RARA: variants seen among roughly 807,000 people sequenced by gnomAD.
The protein encoded by RARA is retinoic acid receptor alpha, also known as PML-DDX5-RARA fusion.
In RARA, 5 loss-of-function variants were observed where a neutral mutation model predicts 42.8. The observed-to-expected ratio is 0.12, with a 90% CI of 0.06 to 0.25. The LOEUF is 0.25. RARA is among the 10% of genes least tolerant of loss of function. The pLI is 1.00. For synonymous variants in RARA, 256 were observed against 259.5 expected, an observed-to-expected ratio of 0.99 and a Z score of 0.13; for missense variants, 402 against 628.7, an observed-to-expected ratio of 0.64 and a Z score of 3.86.
chr17:40,354,795 C>T lies in RARA; in HGVS notation c.1012+289C>T, dbSNP rs904939206. Among the ~76,000 whole-genome samples the T allele has an allele frequency of 4.6e-5, 7 of 152,152 alleles. No individual in the cohort carries two copies. The highest frequency in any genetic ancestry group is 1.2e-4 in the African/African-American group (5 of 41,410). On this transcript the variant is annotated intron_variant, in intron 7 of 8. Coordinates refer to ENST00000254066, the MANE Select transcript of RARA (RefSeq NM_000964.4). The surrounding 1 kb of genome is among the most constrained non-coding windows in gnomAD (Gnocchi z 4.5). ...AGGTTGCTGAACTTCTCTGGGCCTCCGTTTCTGTACAGTGGGGGCGGTAAC... is the reference window on the plus strand; with the variant it reads ...AGGTTGCTGAACTTCTCTGGGCCTCTGTTTCTGTACAGTGGGGGCGGTAAC...
At chr17:40,343,348 T>C (rs1049660075) in intron 2 of RARA, among the ~76,000 whole-genome samples, 11 of 152,202 alleles carry the variant, frequency 7.2e-5, no homozygotes, top group Non-Finnish European at 1.3e-4. Flanking sequence ...CAGCCCTTGC[T>C]CTTGCGTCAT....
At chr17:40,342,845 G>T (rs972099685) in intron 2 of RARA, 1 of 1,612,830 alleles carries the variant, frequency 6.2e-7, no homozygotes, top group Non-Finnish European at 8.5e-7. Flanking sequence ...TCCGGACTCC[G>T]CTTTGGAATG....
Position 40,352,514 on chromosome 17 carries a change from G to T in RARA, c.807+7G>T, listed in dbSNP as rs141059465. On this transcript the variant is annotated splice_region_variant and intron_variant, in intron 6 of 8. Coordinates refer to ENST00000254066, the MANE Select transcript of RARA (RefSeq NM_000964.4). The surrounding 1 kb of genome is among the most constrained non-coding windows in gnomAD (Gnocchi z 4.9). ...TGCCTGCCTGGACATCCTGGTGAGG[G>T]TCTGCACCCTGGCCCCCAGGCACTG... The T allele has an allele frequency of 3.1e-6, 5 of 1,587,742 alleles. No homozygotes were observed. The highest frequency in any genetic ancestry group is 4.3e-6 in the Non-Finnish European group (5 of 1,164,394).
intron 1 of RARA, among the ~76,000 whole-genome samples, chr17:40,314,568 G>A (rs2033156235): frequency 6.6e-6 from 1 of 151,760 alleles, no homozygotes; most frequent in Non-Finnish European, 1.5e-5. Context: ...GTGTGGTGGG[G>A]GTGGGCAGTG....
chr17:40,318,028 G>T (rs942455615), intron 1 of RARA, among the ~76,000 whole-genome samples: 1 of 152,168 alleles, frequency 6.6e-6, no homozygotes, highest in South Asian at 2.1e-4. Context: ...TTCGGTTCTG[G>T]GTCTGAGGGA....
At chr17:40,319,289 G>C (rs1026954423) in intron 1 of RARA, among the ~76,000 whole-genome samples, 1 of 152,104 alleles carries the variant, frequency 6.6e-6, no homozygotes, top group Non-Finnish European at 1.5e-5. Flanking sequence ...AGTGTGCTAG[G>C]GTGGGGATGG....
intron 1 of RARA, among the ~76,000 whole-genome samples, chr17:40,329,708 C>T (rs1037902170): frequency 6.6e-6 from 1 of 152,208 alleles, no homozygotes; most frequent in African/African-American, 2.4e-5. Context: ...CCTGCCTTAG[C>T]CTCCCAAAGT....
In RARA at chr17:40,331,249, C is replaced by T; in HGVS notation, c.31C>T (p.Pro11Ser). 2 of 1,613,296 alleles carry T rather than the reference C, an allele frequency of 1.2e-6. No individual in the cohort carries two copies. Among genetic ancestry groups the T allele is most frequent in the Non-Finnish European group, 1.7e-6 (2 of 1,179,834 alleles). ...CAGCAACAGCAGCTCCTGCCCGACACCTGGGGGCGGGCACCTCAATGGGTA... is the reference window on the plus strand; with the variant it reads ...CAGCAACAGCAGCTCCTGCCCGACATCTGGGGGCGGGCACCTCAATGGGTA... Reference protein sequence around the residue: MASNSSSCPTPGGGHLNGYPV... With the variant: MASNSSSCPTSGGGHLNGYPV... Residue 11 changes from proline (P) to serine (S), a missense_variant, in exon 2 of 9, where the codon CCT becomes TCT. Pro to Ser is a moderately conservative substitution (Grantham distance 74). Coordinates refer to ENST00000254066, the MANE Select transcript of RARA (RefSeq NM_000964.4).
Position 40,355,508 on chromosome 17 carries a change from C to T in RARA, c.1171+87C>T, listed in dbSNP as rs2034591707. On this transcript the variant is annotated intron_variant, in intron 8 of 8. Coordinates refer to ENST00000254066, the MANE Select transcript of RARA (RefSeq NM_000964.4). This position sits in a 1 kb window ranked among gnomAD's most constrained non-coding sequence, Gnocchi z 4.1. Reference sequence around the variant, plus strand: ...AAGCCAGCACCCCATGTCTTTGTGCCAGGACAATACGACACCTGTCCCCAT... The same window carrying T: ...AAGCCAGCACCCCATGTCTTTGTGCTAGGACAATACGACACCTGTCCCCAT... 4 of 1,476,316 alleles carry T rather than the reference C, an allele frequency of 2.7e-6. No individual in the cohort carries two copies. The highest frequency in any genetic ancestry group is 2.2e-5 in the Admixed American group (1 of 44,898). 91.5% of individuals were successfully genotyped at this position (1,476,316 alleles called of 1,614,324 possible). A position where few individuals can be genotyped will look rare whatever the true frequency, so the allele number is the denominator to read the frequency against.
chr17:40,341,941 T>TTCCCCCTTCCTGCTTCTCTCCTCTCC lies in RARA; in HGVS notation c.179-6364_179-6339dup, dbSNP rs1188429759. ...TCTGTGTACTCCTCATCTGGAGCCT[T>TTCCCCCTTCCTGCTTCTCTCCTCTCC]TCCCCCTTCCTGCTTCTCTCCTCTC... On this transcript the variant is annotated intron_variant, in intron 2 of 8. Transcript: ENST00000254066. 3.8e-4 allele frequency: 429 copies of TTCCCCCTTCCTGCTTCTCTCCTCTCC among 1,133,228 alleles called. 1 individual carries two copies. Among genetic ancestry groups the TTCCCCCTTCCTGCTTCTCTCCTCTCC allele is most frequent in the Non-Finnish European group, 4.4e-4 (405 of 912,722 alleles). 70.2% of individuals were successfully genotyped at this position (1,133,228 alleles called of 1,614,324 possible). A position where few individuals can be genotyped will look rare whatever the true frequency, so the allele number is the denominator to read the frequency against.
chr17:40,352,655 A>G lies in RARA; in HGVS notation c.807+148A>G. The G allele has an allele frequency of 1.3e-6, 1 of 747,924 alleles. No individual in the cohort carries two copies. Among genetic ancestry groups the G allele is most frequent in the Non-Finnish European group, 2.0e-6 (1 of 490,836 alleles). 46.3% of individuals were successfully genotyped at this position (747,924 alleles called of 1,614,324 possible). ...AAATGTCTGCCCTTCCTCTCCCCAT[A>G]TGTCCACCTGTCCACTCGTCTCCCT... is the stretch of plus-strand genomic sequence containing the variant. On this transcript the variant is annotated intron_variant, in intron 6 of 8. Coordinates refer to ENST00000254066, the MANE Select transcript of RARA (RefSeq NM_000964.4). The surrounding 1 kb of genome is among the most constrained non-coding windows in gnomAD (Gnocchi z 4.9).
In RARA at chr17:40,350,972, C is replaced by T. The variant is rs181834988; in HGVS notation, c.470-938C>T. 9.2e-5 allele frequency among the ~76,000 whole-genome samples: 14 copies of T among 151,548 alleles called. 1 individual carries two copies. Among genetic ancestry groups the T allele is most frequent in the Non-Finnish European group, 1.6e-4 (11 of 67,936 alleles). On this transcript the variant is annotated intron_variant, in intron 4 of 8. Transcript: ENST00000254066. ...GGAGGGGACCCCTTCTCCCTCCCAC[C>T]GCCAACTCCCCTTCTCCCTCCCACC...
intron 1 of RARA, among the ~76,000 whole-genome samples, chr17:40,321,158 T>C (rs780116922): frequency 4.0e-5 from 6 of 151,638 alleles, no homozygotes; most frequent in Non-Finnish European, 8.8e-5. Context: ...ATTCTGGGAA[T>C]TGGCAGGATT....
rs1598557723 is a variant in RARA at position 40,336,278 on chromosome 17, CCTT to C, written c.178+4883_178+4885del. On this transcript the variant is annotated intron_variant, in intron 2 of 8. Transcript: ENST00000254066. ...TATTTTTAGTAGAGATGGGGTTCCT[CCTT>C]ATTAGGCTGGTCTTGAACTCCTGAC... Among the ~76,000 whole-genome samples, 3 of 152,120 alleles carry C rather than the reference CCTT, an allele frequency of 2.0e-5. 1 individual carries two copies. Among genetic ancestry groups the C allele is most frequent in the East Asian group, 3.9e-4 (2 of 5,186 alleles).
At position 40,354,583 on chromosome 17, in the gene RARA, C is replaced by T; in HGVS notation, c.1012+77C>T. On this transcript the variant is annotated intron_variant, in intron 7 of 8. Coordinates refer to ENST00000254066, the MANE Select transcript of RARA (RefSeq NM_000964.4). The surrounding 1 kb of genome is among the most constrained non-coding windows in gnomAD (Gnocchi z 4.5). ...TGGAGTCTCTTCCAGGGAGCTCTTTCAGGCCACCTCTGTTAGGTATCTCTA... is the reference window on the plus strand; with the variant it reads ...TGGAGTCTCTTCCAGGGAGCTCTTTTAGGCCACCTCTGTTAGGTATCTCTA... The T allele has an allele frequency of 6.7e-7, 1 of 1,500,198 alleles. No homozygotes were observed. The highest frequency in any genetic ancestry group is 9.1e-7 in the Non-Finnish European group (1 of 1,101,688). 92.9% of individuals were successfully genotyped at this position (1,500,198 alleles called of 1,614,324 possible). A position where few individuals can be genotyped will look rare whatever the true frequency, so the allele number is the denominator to read the frequency against.
intron 1 of RARA, among the ~76,000 whole-genome samples, chr17:40,329,236 G>T (rs1186056413): frequency 6.6e-6 from 1 of 151,446 alleles, no homozygotes; most frequent in Middle Eastern, 3.4e-3. Flanking sequence ...CAATTCTCGT[G>T]CATCAGCCTC....
chr17:40,348,052 A>G (rs2034325438), intron 2 of RARA: 1 of 369,626 alleles, frequency 2.7e-6, no homozygotes, highest in African/African-American at 2.1e-5. Context: ...CACACATACA[A>G]ATGTGATGGT....
Position 40,357,428 on chromosome 17 carries a change from A to G in RARA, c.*1202A>G, listed in dbSNP as rs1439764304. 1.9e-5 allele frequency: 3 copies of G among 157,800 alleles called. No homozygotes were observed. The highest frequency in any genetic ancestry group is 1.3e-5 in the Non-Finnish European group (1 of 77,316). 9.8% of individuals were successfully genotyped at this position (157,800 alleles called of 1,614,324 possible). ...TTCCCTGGCCTGCCCCCCACCCCCA[A>G]CCTGTCCCACCCCCGTGCCCCCTCC... is the stretch of plus-strand genomic sequence containing the variant. On this transcript the variant is annotated 3_prime_UTR_variant, in exon 9 of 9. Coordinates refer to ENST00000254066, the MANE Select transcript of RARA (RefSeq NM_000964.4).
intron 1 of RARA, among the ~76,000 whole-genome samples, chr17:40,319,885 T>C (rs2033327332): frequency 6.6e-6 from 1 of 151,650 alleles, no homozygotes; most frequent in South Asian, 2.1e-4. Context: ...TTGGAGTTGG[T>C]TGTATGATGC....
Sources: gnomAD v4.1 joint callset for allele counts (sites outside exome capture counted in the v4.1 genomes callset) on GRCh38, gnomAD v4.1.1 for gene constraint, Gnocchi (gnomAD v3.1) non-coding constraint, MANE v1.5 for transcripts, NCBI Gene and HGNC (gene_info 2026-07-23, HGNC 2026-07-21) for gene names.